FGF12: variants seen among roughly 807,000 people sequenced by gnomAD.
The protein encoded by FGF12 is fibroblast growth factor 12B.
In FGF12, 14 loss-of-function variants were observed where a neutral mutation model predicts 23.6. That is an observed-to-expected ratio of 0.59 (90% confidence interval 0.39 to 0.93). The LOEUF is 0.93. FGF12 is among the 40% of genes least tolerant of loss of function. The probability of loss-of-function intolerance (pLI) is 0.00; values close to 1 mark genes in which losing one functional copy is unlikely to be tolerated. For synonymous variants in FGF12, 62 were observed against 77.3 expected (o/e 0.80, Z 1.04); for missense variants, 175 against 217.8 (o/e 0.80, Z 1.24).
At chr3:192,588,859 T>C (rs1399227450) in intron 2 of FGF12, among the ~76,000 whole-genome samples, 1 of 151,088 alleles carries the variant, frequency 6.6e-6, no homozygotes. Context: ...ATAATGTTTG[T>C]TCTAGAGAGT....
chr3:192,579,701 C>T (rs1713054528), intron 2 of FGF12, among the ~76,000 whole-genome samples: 1 of 152,138 alleles, frequency 6.6e-6, no homozygotes, highest in African/African-American at 2.4e-5. Context: ...TCCCGAGTAG[C>T]TGGGACTACA....
intron 2 of FGF12, among the ~76,000 whole-genome samples, chr3:192,635,159 G>A (rs1035436954): frequency 5.3e-5 from 8 of 152,056 alleles, no homozygotes; most frequent in Admixed American, 3.3e-4. Flanking sequence ...CACGCCTGAC[G>A]GAGAATAATT....
chr3:192,301,472 G>C (rs1437628950), intron 4 of FGF12, among the ~76,000 whole-genome samples: 1 of 152,208 alleles, frequency 6.6e-6, no homozygotes, highest in Non-Finnish European at 1.5e-5. Flanking sequence ...CAATGGTATA[G>C]AAACACCACA....
At chr3:192,508,693 C>A (rs1160068856) in intron 2 of FGF12, among the ~76,000 whole-genome samples, 1 of 152,136 alleles carries the variant, frequency 6.6e-6, no homozygotes, top group African/African-American at 2.4e-5. Context: ...AAAATTGCTT[C>A]TTTTTATATC....
intron 2 of FGF12, among the ~76,000 whole-genome samples, chr3:192,529,503 C>T (rs145443073): frequency 6.6e-6 from 1 of 152,208 alleles, no homozygotes; most frequent in Admixed American, 6.5e-5. Flanking sequence ...CAATCTCTGC[C>T]TGTTACCCAG....
Position 192,514,918 on chromosome 3 carries a change from G to GGGGGC in FGF12, c.14-154385_14-154381dup. On this transcript the variant is annotated intron_variant, in intron 2 of 5. Transcript: ENST00000445105. The surrounding 1 kb of genome is among the most constrained non-coding windows in gnomAD (Gnocchi z 4.9). ...GCCGGAGGGAGCCCGGGCGCCGGCA[G>GGGGGC]GGGGCGGGCCGGGACGCGGAAGTGC... The GGGGGC allele has an allele frequency of 2.0e-6, 2 of 976,512 alleles. No individual in the cohort carries two copies. Among genetic ancestry groups the GGGGGC allele is most frequent in the Non-Finnish European group, 2.4e-6 (2 of 821,876 alleles). 60.5% of individuals were successfully genotyped at this position (976,512 alleles called of 1,614,324 possible).
At chr3:192,589,587 G>A (rs1023148288) in intron 2 of FGF12, among the ~76,000 whole-genome samples, 7 of 151,760 alleles carry the variant, frequency 4.6e-5, no homozygotes, top group Admixed American at 2.0e-4. Context: ...AGCAAGTCCA[G>A]GATGTCTGAT....
intron 2 of FGF12, among the ~76,000 whole-genome samples, chr3:192,506,203 G>C (rs1421170996): frequency 1.3e-5 from 2 of 152,210 alleles, no homozygotes; most frequent in Non-Finnish European, 2.9e-5. Flanking sequence ...CAAAGCTACA[G>C]TTATCACTTG....
rs1721523173 is a variant in FGF12 at position 192,421,428 on chromosome 3, A to AG, written c.14-60891_14-60890insC. Among the ~76,000 whole-genome samples, 6 of 7,328 alleles carry AG rather than the reference A, an allele frequency of 8.2e-4. No homozygotes were observed. The South Asian group carries it at 0.023, about 28-fold the overall frequency. 4.8% of individuals were successfully genotyped at this position (7,328 alleles called of 152,430 possible). A position where few individuals can be genotyped will look rare whatever the true frequency, so the allele number is the denominator to read the frequency against. On this transcript the variant is annotated intron_variant, in intron 2 of 5. Transcript: ENST00000445105. ...TATTTTCAATGTGACTGCTTACTTG[A>AG]AAAAAAAAAAATGGCTTTAGTAGCT...
At chr3:192,438,530 T>C (rs1722096179) in intron 2 of FGF12, among the ~76,000 whole-genome samples, 1 of 152,228 alleles carries the variant, frequency 6.6e-6, no homozygotes, top group East Asian at 1.9e-4. Context: ...TAAGGATTCC[T>C]GCTCTTCGTA....
chr3:192,364,627 C>CT (rs1433108638), intron 2 of FGF12, among the ~76,000 whole-genome samples: 1 of 152,180 alleles, frequency 6.6e-6, no homozygotes, highest in African/African-American at 2.4e-5. Flanking sequence ...CCTCCACACT[C>CT]TCTTTTCCTT....
chr3:192,693,059 T>C (rs957328553), intron 2 of FGF12, among the ~76,000 whole-genome samples: 1 of 152,024 alleles, frequency 6.6e-6, no homozygotes, highest in Non-Finnish European at 1.5e-5. Context: ...CCCTAAAGAC[T>C]TCACAACAAA....
chr3:192,521,809 T>TC (rs956832823), intron 2 of FGF12, among the ~76,000 whole-genome samples: 6 of 152,120 alleles, frequency 3.9e-5, no homozygotes, highest in African/African-American at 1.4e-4. Flanking sequence ...ATGTATATTT[T>TC]CCCCCCAAGA....
intron 2 of FGF12, among the ~76,000 whole-genome samples, chr3:192,711,290 G>C (rs1159398813): frequency 7.9e-6 from 1 of 127,242 alleles, no homozygotes; most frequent in Non-Finnish European, 1.5e-5. Context: ...GGGAGGTGGG[G>C]GGCAGCCCCC....
chr3:192,250,574 TCTCC>T (rs1353588263), intron 4 of FGF12, among the ~76,000 whole-genome samples: 1 of 152,120 alleles, frequency 6.6e-6, no homozygotes, highest in Non-Finnish European at 1.5e-5. Flanking sequence ...CTGATCATAC[TCTCC>T]CTATCTACCT....
intron 2 of FGF12, among the ~76,000 whole-genome samples, chr3:192,716,488 T>C (rs975619464): frequency 1.3e-5 from 2 of 152,242 alleles, no homozygotes; most frequent in Non-Finnish European, 1.5e-5. Context: ...AACGAGTATA[T>C]CTTAACTACA....
At chr3:192,587,223 A>G (rs1713410268) in intron 2 of FGF12, among the ~76,000 whole-genome samples, 1 of 151,878 alleles carries the variant, frequency 6.6e-6, no homozygotes, top group Non-Finnish European at 1.5e-5. Context: ...TCAATGTAGA[A>G]CTTGGTAAGA....
At chr3:192,711,509 G>C (rs540423735) in intron 2 of FGF12, among the ~76,000 whole-genome samples, 227 of 152,304 alleles carry the variant, frequency 1.5e-3, no homozygotes, top group African/African-American at 5.2e-3. Flanking sequence ...ATAGAAAAGG[G>C]GGAAATGTGG....
chr3:192,435,849 C>T (rs1722007774), intron 2 of FGF12, among the ~76,000 whole-genome samples: 1 of 152,180 alleles, frequency 6.6e-6, no homozygotes, highest in Non-Finnish European at 1.5e-5. Flanking sequence ...CATGCTAAGC[C>T]TTGTTATCAC....
Sources: gnomAD v4.1 joint callset for allele counts (sites outside exome capture counted in the v4.1 genomes callset) on GRCh38, gnomAD v4.1.1 for gene constraint, Gnocchi (gnomAD v3.1) non-coding constraint, MANE v1.5 for transcripts, NCBI Gene and HGNC (gene_info 2026-07-23, HGNC 2026-07-21) for gene names.